MBP: variants seen among roughly 807,000 people sequenced by gnomAD.
The protein encoded by MBP is Golli-MBP.
A neutral mutation model predicts 35.8 loss-of-function variants in MBP; 16 were observed. That is an observed-to-expected ratio of 0.45 (90% confidence interval 0.30 to 0.68). The LOEUF (loss-of-function observed/expected upper bound fraction) is 0.68, where lower values mean the gene tolerates loss of function less well. Among genes scored for constraint, MBP ranks in the 30% least tolerant of loss-of-function variants. The pLI, the probability that MBP is intolerant of heterozygous loss-of-function variation, is 0.08. For missense variants in MBP, 380 were observed against 404.7 expected (o/e 0.94, Z 0.52); for synonymous variants, 143 against 159.6 (o/e 0.90, Z 0.78).
At chr18:77,052,253 T>C (rs954530546) in intron 3 of MBP, among the ~76,000 whole-genome samples, 3 of 152,216 alleles carry the variant, frequency 2.0e-5, no homozygotes, top group African/African-American at 7.2e-5. Context: ...ACTTTACTTA[T>C]GGAAACCAAA....
chr18:77,123,386 T>C (rs1300059095), intron 1 of MBP, among the ~76,000 whole-genome samples: 1 of 152,240 alleles, frequency 6.6e-6, no homozygotes, highest in Non-Finnish European at 1.5e-5. Context: ...TTAGTATCAA[T>C]TAGTTATTCT....
At chr18:77,053,449 GAAC>G (rs1317112599) in intron 3 of MBP, among the ~76,000 whole-genome samples, 1 of 152,244 alleles carries the variant, frequency 6.6e-6, no homozygotes, top group Non-Finnish European at 1.5e-5. Context: ...TAATTCCAAA[GAAC>G]AAAAGCATCT....
intron 3 of MBP, among the ~76,000 whole-genome samples, chr18:77,029,351 G>T (rs900395078): frequency 6.7e-6 from 1 of 148,662 alleles, no homozygotes; most frequent in African/African-American, 2.5e-5. Flanking sequence ...AGTGAGCCGA[G>T]ATGGCAGCAG....
At chr18:77,027,058 T>C (rs1339201371) in intron 3 of MBP, among the ~76,000 whole-genome samples, 1 of 152,132 alleles carries the variant, frequency 6.6e-6, no homozygotes, top group African/African-American at 2.4e-5. Flanking sequence ...TTTTATGTAT[T>C]TGCATCGTTC....
chr18:77,044,118 G>A lies in MBP; in HGVS notation c.139+22180C>T, dbSNP rs1211290297. Among the ~76,000 whole-genome samples, 1 of 151,948 alleles carries A rather than the reference G, an allele frequency of 6.6e-6. No homozygotes were observed. The highest frequency in any genetic ancestry group is 1.5e-5 in the Non-Finnish European group (1 of 68,000). On this transcript the variant is annotated intron_variant, in intron 3 of 8. Transcript: ENST00000355994. This position sits in a 1 kb window ranked among gnomAD's most constrained non-coding sequence, Gnocchi z 4.4. The stretch of plus-strand genomic sequence containing the variant: ...GACCACCTCCCCCGATGCCCTCCAC[G>A]CTGCACACTGGGCTGGTCTGCAGAG...
chr18:77,118,752 C>T (rs1002592466), intron 1 of MBP, among the ~76,000 whole-genome samples: 1 of 151,064 alleles, frequency 6.6e-6, no homozygotes, highest in Non-Finnish European at 1.5e-5. Flanking sequence ...ACACCACACA[C>T]ACACCACACA....
chr18:77,021,935 C>A (rs1197281437), intron 3 of MBP, among the ~76,000 whole-genome samples: 1 of 152,116 alleles, frequency 6.6e-6, no homozygotes, highest in African/African-American at 2.4e-5. Context: ...GCACTGAGGT[C>A]TCATCTGGGG....
intron 3 of MBP, among the ~76,000 whole-genome samples, chr18:77,043,979 C>T (rs1205915774): frequency 6.6e-6 from 1 of 152,026 alleles, no homozygotes; most frequent in South Asian, 2.1e-4. Context: ...CCCCAGCTGC[C>T]GTCCTGTGTC....
At chr18:77,050,123 T>G (rs1973428961) in intron 3 of MBP, among the ~76,000 whole-genome samples, 1 of 152,248 alleles carries the variant, frequency 6.6e-6, no homozygotes. Flanking sequence ...AAATTACAAG[T>G]TTTCTTTGAG....
At chr18:77,059,623 G>A (rs1599161224) in intron 3 of MBP, among the ~76,000 whole-genome samples, 1 of 151,274 alleles carries the variant, frequency 6.6e-6, no homozygotes, top group East Asian at 1.9e-4. Flanking sequence ...TAAAAAATCA[G>A]GGGAATATTA....
intron 4 of MBP, among the ~76,000 whole-genome samples, chr18:77,009,347 A>G (rs754409527): frequency 4.6e-5 from 7 of 152,256 alleles, no homozygotes; most frequent in Admixed American, 6.5e-5. Flanking sequence ...TCAGGTGAGG[A>G]CAGAGCCCAG....
chr18:77,013,950 A>G (rs1971486453), intron 4 of MBP: 1 of 985,306 alleles, frequency 1.0e-6, no homozygotes, highest in African/African-American at 1.7e-5. Context: ...GCACAGAGTG[A>G]TGCTGGAGAG....
chr18:76,985,869 GC>G, intron 7 of MBP: 1 of 988,862 alleles, frequency 1.0e-6, no homozygotes, highest in Non-Finnish European at 1.2e-6. Context: ...TTATGGAAGA[GC>G]AGGCCGCCCT....
At chr18:77,014,759 G>A (rs1286515250) in intron 4 of MBP, 38 of 985,134 alleles carry the variant, frequency 3.9e-5, no homozygotes, top group East Asian at 1.1e-4. Context: ...GCGCTCCCCC[G>A]GGATGCCTCA....
At chr18:76,998,321 GCC>G (rs1393179087) in intron 4 of MBP, among the ~76,000 whole-genome samples, 1 of 89,600 alleles carries the variant, frequency 1.1e-5, no homozygotes, top group Non-Finnish European at 2.2e-5. Context: ...CCGTGCTGCG[GCC>G]CCCGTCAGAA....
In MBP at chr18:77,060,495, C is replaced by T. The variant is rs191859875; in HGVS notation, c.139+5803G>A. ...TGAGGCGGAGTTTTGCTCTTGTTGC[C>T]CAGGCTGGAGTGCAGTGGTGTGATC... On this transcript the variant is annotated intron_variant, in intron 3 of 8. Transcript: ENST00000355994. Among the ~76,000 whole-genome samples the T allele has an allele frequency of 3.6e-4, 45 of 126,396 alleles. No individual in the cohort carries two copies. The East Asian group carries it at 6.4e-3, about 18-fold the overall frequency. 82.9% of individuals were successfully genotyped at this position (126,396 alleles called of 152,430 possible).
intron 3 of MBP, among the ~76,000 whole-genome samples, chr18:77,034,753 A>G (rs141067995): frequency 6.6e-6 from 1 of 152,176 alleles, no homozygotes; most frequent in Non-Finnish European, 1.5e-5. Context: ...CTTTGCGACC[A>G]TTGGCTCACC....
At chr18:77,073,533 T>C (rs584089) in intron 2 of MBP, among the ~76,000 whole-genome samples, 37,221 of 152,218 alleles carry the variant, frequency 0.24, 4,917 homozygotes, top group South Asian at 0.42. Flanking sequence ...AGGAGAGGAA[T>C]GCCCATCTAG....
In MBP at chr18:77,029,123, T is replaced by C. The variant is rs1269965952; in HGVS notation, c.140-11855A>G. Among the ~76,000 whole-genome samples, 7 of 108,548 alleles carry C rather than the reference T, an allele frequency of 6.4e-5. 1 individual carries two copies. The highest frequency in any genetic ancestry group is 1.9e-4 in the African/African-American group (7 of 36,852). The allele number at this position is 108,548 out of a possible 152,430, so 71.2% of individuals were successfully genotyped here. A position where few individuals can be genotyped will look rare whatever the true frequency, so the allele number is the denominator to read the frequency against. ...CACTGCACCCCAGCCTGGGCACCAT[T>C]GAGCACTGAGTGAACGAGACTCCGT... On this transcript the variant is annotated intron_variant, in intron 3 of 8. Transcript: ENST00000355994.
Sources: allele counts gnomAD v4.1 joint callset (sites outside exome capture counted in the v4.1 genomes callset), GRCh38; gene constraint gnomAD v4.1.1; non-coding constraint Gnocchi (gnomAD v3.1); transcripts MANE v1.5; gene names NCBI Gene and HGNC (gene_info 2026-07-23, HGNC 2026-07-21).